LIMK1: variants seen among roughly 807,000 people sequenced by gnomAD.
LIMK1 encodes LIM domain kinase 1, also known as LIM motif-containing protein kinase.
Under a neutral mutation model 77.6 loss-of-function variants are expected in LIMK1, and 21 were observed. That is an observed-to-expected ratio of 0.27 (90% confidence interval 0.19 to 0.39). The LOEUF (loss-of-function observed/expected upper bound fraction) is 0.39. Ranked by LOEUF, LIMK1 falls within the 10% of genes least tolerant of loss-of-function variation. The pLI, the probability that LIMK1 is intolerant of heterozygous loss-of-function variation, is 1.00. For synonymous variants in LIMK1, 358 were observed against 370.0 expected, an observed-to-expected ratio of 0.97 and a Z score of 0.37; for missense variants, 696 against 901.6, an observed-to-expected ratio of 0.77 and a Z score of 2.92.
chr7:74,099,581 G>A (rs1220693267), intron 5 of LIMK1, among the ~76,000 whole-genome samples: 5 of 151,832 alleles, frequency 3.3e-5, no homozygotes, highest in East Asian at 2.0e-4. Flanking sequence ...AAATACAAAC[G>A]TAGCCAGGCA....
At chr7:74,104,961 C>T (rs1227576910) in intron 5 of LIMK1, among the ~76,000 whole-genome samples, 2 of 152,144 alleles carry the variant, frequency 1.3e-5, no homozygotes, top group African/African-American at 4.8e-5. Flanking sequence ...GTAATCCTAG[C>T]ACTTTGTTTT....
intron 2 of LIMK1, among the ~76,000 whole-genome samples, chr7:74,092,264 G>C (rs369206278): frequency 3.8e-4 from 58 of 152,094 alleles, no homozygotes; most frequent in Admixed American, 1.2e-3. Flanking sequence ...CTGCGCACAG[G>C]CAGCTGTGCA....
intron 4 of LIMK1, 74 bp downstream of exon 4, chr7:74,097,263 C>T (rs1554695824): frequency 1.1e-6 from 1 of 900,272 alleles, no homozygotes; most frequent in Non-Finnish European, 1.7e-6. Context: ...CTGACTCTCC[C>T]ACACCCGGGC....
chr7:74,084,239 G>A (rs1554693758), intron 1 of LIMK1, among the ~76,000 whole-genome samples, 194 bp downstream of exon 1: 1 of 151,762 alleles, frequency 6.6e-6, no homozygotes, highest in Admixed American at 6.6e-5. Context: ...CCGGCGAGCT[G>A]CCCTCCTGCG....
At chr7:74,095,548 A>AG (rs1323301516) in intron 2 of LIMK1, among the ~76,000 whole-genome samples, 1 of 152,138 alleles carries the variant, frequency 6.6e-6, no homozygotes, top group African/African-American at 2.4e-5. Context: ...CTGGGAGTAC[A>AG]GGACCCACTG....
In LIMK1 at chr7:74,096,605, C is replaced by T. The variant is rs1554695630; in HGVS notation, c.153-17C>T. On this transcript the variant is annotated splice_polypyrimidine_tract_variant and intron_variant, in intron 2 of 15. Transcript: ENST00000336180. ...GAGGGCGGGAGTGGACGTCTCAGCC[C>T]GGCCCCTCTCCTGCAGGTGTTGTGA... 7.4e-6 allele frequency: 12 copies of T among 1,613,744 alleles called. No homozygotes were observed. The highest frequency in any genetic ancestry group is 2.5e-6 in the Non-Finnish European group (3 of 1,180,010).
At position 74,105,931 on chromosome 7, in the gene LIMK1, G is replaced by A. The variant is rs148676592; in HGVS notation, c.665G>A (p.Arg222Gln). 3.2e-5 allele frequency: 51 copies of A among 1,613,934 alleles called. No individual in the cohort carries two copies. The highest frequency in any genetic ancestry group is 1.6e-4 in the Middle Eastern group (1 of 6,084). ...DVKNSIHVGDRILEINGTPIR... is the reference protein window; with the variant it reads ...DVKNSIHVGDQILEINGTPIR... Reference sequence around the variant, plus strand: ...AAGAATTCCATCCACGTCGGAGACCGGATCTTGGAAATCAATGGCACGCCC... The same window carrying A: ...AAGAATTCCATCCACGTCGGAGACCAGATCTTGGAAATCAATGGCACGCCC... Residue 222 changes from arginine to glutamine, a missense_variant, in exon 6 of 16, where the codon CGG (arginine) becomes CAG (glutamine). Physicochemically the swap from Arg to Gln is conservative, Grantham distance 43. This residue lies in a region of LIMK1 where 6 missense variants were observed against 19.9 expected (regional missense o/e 0.30). Coordinates refer to ENST00000336180, the MANE Select transcript of LIMK1 (RefSeq NM_002314.4).
chr7:74,113,967 C>A (rs1280692538), intron 12 of LIMK1, among the ~76,000 whole-genome samples: 4 of 151,108 alleles, frequency 2.6e-5, no homozygotes, highest in Non-Finnish European at 4.4e-5. Context: ...AAAACAGCAA[C>A]AAGCCAGGCA....
chr7:74,095,053 C>T (rs1192498618), intron 2 of LIMK1, among the ~76,000 whole-genome samples: 2 of 152,220 alleles, frequency 1.3e-5, no homozygotes, highest in African/African-American at 4.8e-5. Context: ...AACTCCCCTC[C>T]TCAACCCCAG....
At chr7:74,110,764 C>G (rs1011808661) in intron 10 of LIMK1, 1 of 151,838 alleles carries the variant, frequency 6.6e-6, no homozygotes, top group African/African-American at 2.4e-5. Flanking sequence ...CTCCTGACCT[C>G]GTGATCCAAC....
chr7:74,087,345 A>C (rs1018910699), intron 2 of LIMK1, among the ~76,000 whole-genome samples: 2 of 152,144 alleles, frequency 1.3e-5, no homozygotes, highest in African/African-American at 2.4e-5. Flanking sequence ...TGGAGGCTGC[A>C]GTGAGCTATG....
In LIMK1 at chr7:74,120,798, G is replaced by A; in HGVS notation, c.1624-94G>A. ...GGTACTGCAGTCAGGCTGCAGCCAGGCCCAGTGCCACCTGCCCTCAAACCA... is the reference window on the plus strand; with the variant it reads ...GGTACTGCAGTCAGGCTGCAGCCAGACCCAGTGCCACCTGCCCTCAAACCA... On this transcript the variant is annotated intron_variant, in intron 14 of 15. Transcript: ENST00000336180. The A allele has an allele frequency of 4.5e-6, 7 of 1,570,246 alleles. No homozygotes were observed. In the South Asian group the frequency reaches 6.8e-5, roughly 15 times the overall value.
intron 8 of LIMK1, 60 bp downstream of exon 8, chr7:74,107,253 C>A: frequency 6.7e-7 from 1 of 1,500,878 alleles, no homozygotes; most frequent in African/African-American, 1.4e-5. Flanking sequence ...ATCCTCCTTC[C>A]TTCCCAGTCT....
intron 2 of LIMK1, among the ~76,000 whole-genome samples, chr7:74,087,275 A>G (rs1392135074): frequency 1.3e-5 from 2 of 152,048 alleles, no homozygotes; most frequent in East Asian, 3.9e-4. Flanking sequence ...GTGGTGGCGC[A>G]TGCCTGTAGT....
chr7:74,085,105 G>A (rs1163903419), intron 1 of LIMK1, among the ~76,000 whole-genome samples: 5 of 152,204 alleles, frequency 3.3e-5, no homozygotes, highest in Admixed American at 3.3e-4. Flanking sequence ...CCAGCTCCAA[G>A]GGTGCCAGGC....
At chr7:74,084,095 G>C in intron 1 of LIMK1, 50 bp downstream of exon 1, 1 of 1,095,388 alleles carries the variant, frequency 9.1e-7, no homozygotes, top group Non-Finnish European at 1.3e-6. Flanking sequence ...GGTGCCCGGG[G>C]CAGCGTGGGG....
At chr7:74,112,539 G>T (rs1799722375) in intron 12 of LIMK1, among the ~76,000 whole-genome samples, 1 of 152,088 alleles carries the variant, frequency 6.6e-6, no homozygotes, top group Non-Finnish European at 1.5e-5. Flanking sequence ...GCTAACATGG[G>T]CACTGTGGCT....
intron 13 of LIMK1, among the ~76,000 whole-genome samples, chr7:74,118,867 A>C (rs190288474): frequency 1.3e-5 from 2 of 152,176 alleles, no homozygotes; most frequent in Non-Finnish European, 2.9e-5. Context: ...ATTTAGTACT[A>C]ATTGTTTCGG....
At chr7:74,113,301 G>A (rs1244383811) in intron 12 of LIMK1, among the ~76,000 whole-genome samples, 1 of 151,966 alleles carries the variant, frequency 6.6e-6, no homozygotes, top group Non-Finnish European at 1.5e-5. Context: ...TCCAGCCTGG[G>A]AGACAGAGCC....
Sources: gnomAD v4.1 joint callset for allele counts (sites outside exome capture counted in the v4.1 genomes callset) on GRCh38, gnomAD v4.1.1 for gene constraint, gnomAD v4.1.1 regional missense constraint, MANE v1.5 for transcripts, NCBI Gene and HGNC (gene_info 2026-07-23, HGNC 2026-07-21) for gene names.